The following CUL3 variants were observed in gnomAD, a reference collection of about 807,000 sequenced individuals.
CUL3 encodes the protein cullin 3.
In CUL3, 19 loss-of-function variants were observed where a neutral mutation model predicts 89.1. The ratio of observed to expected loss-of-function variants is 0.21; its 90% CI spans 0.15 to 0.31. CUL3 has a LOEUF of 0.31. Among genes scored for constraint, CUL3 ranks in the 10% least tolerant of loss-of-function variants. CUL3 has a pLI of 1.00. For synonymous variants in CUL3, 351 were observed against 308.4 expected, an observed-to-expected ratio of 1.14 and a Z score of -1.45; for missense variants, 469 against 942.3, an observed-to-expected ratio of 0.50 and a Z score of 6.58.
chr2:224,574,891 G>A (rs1181563627), intron 1 of CUL3, among the ~76,000 whole-genome samples: 1 of 152,096 alleles, frequency 6.6e-6, no homozygotes, highest in Non-Finnish European at 1.5e-5. Context: ...TGCTGGGTGC[G>A]TACTGCTGTA....
intron 2 of CUL3, among the ~76,000 whole-genome samples, chr2:224,541,737 T>C (rs932961185): frequency 2.0e-5 from 3 of 152,140 alleles, no homozygotes; most frequent in Non-Finnish European, 4.4e-5. Context: ...GAACAAATTA[T>C]TGATAGAATA....
intron 1 of CUL3, among the ~76,000 whole-genome samples, chr2:224,583,525 T>A (rs1313356341): frequency 6.6e-6 from 1 of 152,206 alleles, no homozygotes; most frequent in African/African-American, 2.4e-5. Context: ...TAAGCTTCGT[T>A]AGTACTCGCT....
intron 2 of CUL3, among the ~76,000 whole-genome samples, chr2:224,549,442 T>C (rs1694428374): frequency 6.6e-6 from 1 of 152,116 alleles, no homozygotes; most frequent in Non-Finnish European, 1.5e-5. Context: ...TCAAGACACA[T>C]AATCATAATT....
intron 2 of CUL3, among the ~76,000 whole-genome samples, chr2:224,545,315 A>G (rs890836704): frequency 3.9e-5 from 6 of 152,290 alleles, no homozygotes; most frequent in Admixed American, 3.9e-4. Flanking sequence ...TAGTGATCAG[A>G]AAAATTATAC....
intron 2 of CUL3, among the ~76,000 whole-genome samples, chr2:224,536,971 C>T (rs1693923293): frequency 6.6e-6 from 1 of 152,214 alleles, no homozygotes; most frequent in African/African-American, 2.4e-5. Flanking sequence ...TCCAGCTAAA[C>T]TCTCAATAAC....
chr2:224,553,175 G>C (rs1694578735), intron 2 of CUL3, among the ~76,000 whole-genome samples: 1 of 152,138 alleles, frequency 6.6e-6, no homozygotes. Flanking sequence ...CTTCAATACA[G>C]TAGTACTGTG....
chr2:224,564,716 T>C (rs937180336), intron 1 of CUL3, among the ~76,000 whole-genome samples: 2 of 152,126 alleles, frequency 1.3e-5, no homozygotes, highest in African/African-American at 4.8e-5. Context: ...CCCAAATCTA[T>C]ACTGCCTGCC....
intron 13 of CUL3, among the ~76,000 whole-genome samples, chr2:224,483,417 A>ATATAT (rs1189813816): frequency 6.6e-6 from 1 of 152,188 alleles, no homozygotes; most frequent in Non-Finnish European, 1.5e-5. Context: ...ATAAGGTTGT[A>ATATAT]TATATAATGA....
chr2:224,509,217 C>T lies in CUL3; in HGVS notation c.883+2137G>A, dbSNP rs189545145. On this transcript the variant is annotated intron_variant, in intron 6 of 15. Coordinates refer to ENST00000264414, the MANE Select transcript of CUL3 (RefSeq NM_003590.5). The stretch of plus-strand genomic sequence containing the variant: ...GGAAGCTCAGAAAAATTAACCCCCC[C>T]ACCTTTTTTTTCTTAAGACAGGATC... 3.4e-3 allele frequency among the ~76,000 whole-genome samples: 511 copies of T among 152,086 alleles called. 4 individuals are homozygous for T. Among genetic ancestry groups the T allele is most frequent in the African/African-American group, 0.012 (489 of 41,516 alleles).
At chr2:224,584,571 C>T (rs946785380) in intron 1 of CUL3, among the ~76,000 whole-genome samples, 8 of 152,010 alleles carry the variant, frequency 5.3e-5, no homozygotes, top group Non-Finnish European at 8.8e-5. Flanking sequence ...CCACACACGC[C>T]CCACACAGGG....
At chr2:224,557,970 TTATAAATC>T in intron 1 of CUL3, 114 bp from the exon 2 acceptor site, 1 of 611,728 alleles carries the variant, frequency 1.6e-6, no homozygotes, top group East Asian at 2.8e-5. Context: ...ATAGATATGA[TTATAAATC>T]TATGACACAT....
chr2:224,549,573 C>T (rs760361829), intron 2 of CUL3, among the ~76,000 whole-genome samples: 20 of 152,212 alleles, frequency 1.3e-4, no homozygotes, highest in Non-Finnish European at 2.2e-4. Context: ...AGTACCAATG[C>T]TCAGTTCTAT....
chr2:224,498,584 A>G (rs1692258962), intron 11 of CUL3, among the ~76,000 whole-genome samples: 1 of 152,216 alleles, frequency 6.6e-6, no homozygotes, highest in Non-Finnish European at 1.5e-5. Context: ...TGCCTAAACC[A>G]GTAGGATCAG....
chr2:224,516,655 T>C (rs1265802356), intron 3 of CUL3, among the ~76,000 whole-genome samples: 3 of 150,750 alleles, frequency 2.0e-5, no homozygotes, highest in African/African-American at 7.4e-5. Context: ...TTTTTGTTTT[T>C]TGTTTTTTTT....
At chr2:224,535,105 A>C (rs1249706575) in intron 3 of CUL3, among the ~76,000 whole-genome samples, 1 of 152,104 alleles carries the variant, frequency 6.6e-6, no homozygotes, top group Non-Finnish European at 1.5e-5. Context: ...CAAAGAAAGT[A>C]CTGTTCATTT....
chr2:224,584,516 G>A (rs912349273), intron 1 of CUL3, among the ~76,000 whole-genome samples: 2 of 152,168 alleles, frequency 1.3e-5, no homozygotes, highest in South Asian at 2.1e-4. Context: ...TAAAAGCTAG[G>A]CTGGGTAAAT....
At chr2:224,556,906 C>A (rs545511704) in intron 2 of CUL3, among the ~76,000 whole-genome samples, 6 of 151,860 alleles carry the variant, frequency 4.0e-5, no homozygotes, top group Non-Finnish European at 7.4e-5. Context: ...GTGAAGGGTA[C>A]ACAAGAGTTC....
chr2:224,524,069 A>G (rs1284266897), intron 3 of CUL3, among the ~76,000 whole-genome samples: 1 of 152,174 alleles, frequency 6.6e-6, no homozygotes, highest in Non-Finnish European at 1.5e-5. Flanking sequence ...TAAATTTTAT[A>G]TGTATTTGAC....
At position 224,535,521 on chromosome 2, in the gene CUL3, T is replaced by C. The variant is rs745485148; in HGVS notation, c.378+7A>G. On this transcript the variant is annotated splice_region_variant and intron_variant, in intron 3 of 15. Coordinates refer to ENST00000264414, the MANE Select transcript of CUL3 (RefSeq NM_003590.5). ...AAGGAAGAAAACATTTAAAAAGCTC[T>C]ACTTACCATGTACATTAGTATGTCT... is the stretch of plus-strand genomic sequence containing the variant. The C allele has an allele frequency of 2.6e-6, 4 of 1,532,512 alleles. No individual in the cohort carries two copies. Among genetic ancestry groups the C allele is most frequent in the East Asian group, 2.3e-5 (1 of 44,070 alleles). 94.9% of individuals were successfully genotyped at this position (1,532,512 alleles called of 1,614,324 possible).
Sources: gnomAD v4.1 joint callset for allele counts (sites outside exome capture counted in the v4.1 genomes callset) on GRCh38, gnomAD v4.1.1 for gene constraint, MANE v1.5 for transcripts, NCBI Gene and HGNC (gene_info 2026-07-23, HGNC 2026-07-21) for gene names.